Variants in ZFP90 observed in about 807,000 individuals in gnomAD.
The protein encoded by ZFP90 is ZFP90 zinc finger protein.
Under a neutral mutation model 60.8 loss-of-function variants are expected in ZFP90, and 38 were observed. That is an observed-to-expected ratio of 0.62 (90% CI 0.48 to 0.82). The LOEUF (loss-of-function observed/expected upper bound fraction) is 0.82, where lower values mean the gene tolerates loss of function less well. ZFP90 is among the 40% of genes least tolerant of loss of function. The pLI is 0.00. For synonymous variants in ZFP90, 287 were observed against 264.8 expected (o/e 1.08, Z -0.82); for missense variants, 711 against 759.1 (o/e 0.94, Z 0.74).
At chr16:68,553,371 G>A (rs1017707115) in intron 2 of ZFP90, among the ~76,000 whole-genome samples, 1 of 152,032 alleles carries the variant, frequency 6.6e-6, no homozygotes, top group South Asian at 2.1e-4. Flanking sequence ...CAAGTCAAGG[G>A]AAAAGGCGGA....
chr16:68,572,469 C>G (rs565653486), intron 2 of ZFP90, among the ~76,000 whole-genome samples: 2 of 152,168 alleles, frequency 1.3e-5, no homozygotes, highest in Non-Finnish European at 2.9e-5. Flanking sequence ...TCACATTCCT[C>G]TGCTTTCTAA....
chr16:68,573,650 A>G (rs2091578912), intron 2 of ZFP90: 1 of 152,194 alleles, frequency 6.6e-6, no homozygotes, highest in Non-Finnish European at 1.5e-5. Flanking sequence ...AGTTTACACC[A>G]CCAGTTTACA....
intron 2 of ZFP90, among the ~76,000 whole-genome samples, chr16:68,542,730 T>A (rs779061508): frequency 1.4e-4 from 22 of 152,250 alleles, no homozygotes; most frequent in Non-Finnish European, 2.9e-4. Context: ...CTGCTGGCAG[T>A]GGGTAGAGGA....
intron 2 of ZFP90, chr16:68,557,366 ACCTG>A: frequency 4.6e-6 from 2 of 437,006 alleles, no homozygotes; most frequent in Non-Finnish European, 4.7e-6. Flanking sequence ...ATCAGTGGGT[ACCTG>A]TGATACAGGT....
chr16:68,563,932 T>C lies in ZFP90; in HGVS notation c.1145T>C (p.Val382Ala), dbSNP rs201658907. ...GKAFSRCSSL[V>A]QHERTHTGEK... ...GCCTTTAGTCGATGTTCTTCCCTTG[T>C]CCAACATGAGAGGACTCATACTGGA... Residue 382 changes from valine to alanine, a missense_variant, in exon 5 of 5, where the codon GTC becomes GCC. Val to Ala is a moderately conservative substitution (Grantham distance 64, BLOSUM62 0). Coordinates refer to ENST00000563169, the MANE Select transcript of ZFP90 (RefSeq NM_001305203.2). 2.9e-5 allele frequency: 46 copies of C among 1,614,012 alleles called. No homozygotes were observed. Among genetic ancestry groups the C allele is most frequent in the Non-Finnish European group, 3.8e-5 (45 of 1,180,030 alleles).
upstream of ZFP90, among the ~76,000 whole-genome samples, chr16:68,535,239 A>T (rs1394547338): frequency 6.6e-6 from 1 of 152,162 alleles, no homozygotes; most frequent in Admixed American, 6.6e-5. Flanking sequence ...TTTTTGGACC[A>T]CCCAGGGACT....
upstream of ZFP90, among the ~76,000 whole-genome samples, chr16:68,538,400 A>G (rs1286618628): frequency 6.6e-6 from 1 of 152,192 alleles, no homozygotes; most frequent in Non-Finnish European, 1.5e-5. Context: ...TAATAGCTGT[A>G]TCTAAAAGTT....
Position 68,564,099 on chromosome 16 carries a change from A to T in ZFP90, c.1312A>T (p.Thr438Ser). Residue 438 changes from threonine to serine, a missense_variant, in exon 5 of 5, where the codon ACT (threonine) becomes TCT (serine). Around this residue, in one of 5 missense-constraint regions of ZFP90, gnomAD observed 295 missense variants for 274.0 expected, o/e 1.08. Coordinates refer to ENST00000563169, the MANE Select transcript of ZFP90 (RefSeq NM_001305203.2). Reference sequence around the variant, plus strand: ...AGATTTCAAGCACAGCACATCTCTCACTCAAGATGAAAGCACTCTTACCGA... The same window carrying T: ...AGATTTCAAGCACAGCACATCTCTCTCTCAAGATGAAAGCACTCTTACCGA... ...SIDFKHSTSL[T>S]QDESTLTEVK... 2 of 1,614,146 alleles carry T rather than the reference A, an allele frequency of 1.2e-6. No individual in the cohort carries two copies. Among genetic ancestry groups the T allele is most frequent in the South Asian group, 1.1e-5 (1 of 91,088 alleles).
chr16:68,545,126 G>A (rs1002500353), intron 2 of ZFP90, among the ~76,000 whole-genome samples: 3 of 151,638 alleles, frequency 2.0e-5, no homozygotes, highest in Admixed American at 1.3e-4. Context: ...TGATCCGCCC[G>A]CCTCGGCCGC....
chr16:68,565,241 T>G lies in ZFP90; in HGVS notation c.*543T>G, dbSNP rs1412584210. 2.0e-6 allele frequency: 2 copies of G among 985,820 alleles called. No individual in the cohort carries two copies. Among genetic ancestry groups the G allele is most frequent in the Non-Finnish European group, 2.4e-6 (2 of 830,190 alleles). 61.1% of individuals were successfully genotyped at this position (985,820 alleles called of 1,614,324 possible). On this transcript the variant is annotated 3_prime_UTR_variant, in exon 5 of 5. Coordinates refer to ENST00000563169, the MANE Select transcript of ZFP90 (RefSeq NM_001305203.2). The stretch of plus-strand genomic sequence containing the variant: ...ATGTGAAGTGGTTTCCACAGTATGA[T>G]ACAGCCTATAAGGGTAAAGCTGGGT...
chr16:68,535,693 T>C (rs904252708), upstream of ZFP90: 9 of 152,184 alleles, frequency 5.9e-5, no homozygotes, highest in African/African-American at 2.2e-4. Context: ...AAGCTCAAGT[T>C]TGCCTCATTT....
intron 2 of ZFP90, among the ~76,000 whole-genome samples, chr16:68,545,814 C>T (rs2091139375): frequency 6.6e-6 from 1 of 152,092 alleles, no homozygotes; most frequent in African/African-American, 2.4e-5. Context: ...GACTCCGTCT[C>T]AAAAAATAAC....
In ZFP90 at chr16:68,564,242, T is replaced by G; in HGVS notation, c.1455T>G (p.Ser485Arg). The part of the protein sequence containing the change: ...ENPYDCEQAF[S>R]QQAISHPGEK... ...CCTATGATTGTGAGCAGGCTTTTAGTCAGCAAGCTATTTCTCATCCTGGAG... is the reference window on the plus strand; with the variant it reads ...CCTATGATTGTGAGCAGGCTTTTAGGCAGCAAGCTATTTCTCATCCTGGAG... The change falls in exon 5 of 5, where the codon AGT becomes AGG. Residue 485 changes from serine (S) to arginine (R), a missense_variant. Physicochemically the swap from Ser to Arg is moderately radical, Grantham distance 110. This residue lies in a region of ZFP90 where 295 missense variants were observed against 274.0 expected (regional missense o/e 1.08). Transcript: ENST00000563169. The G allele has an allele frequency of 6.2e-7, 1 of 1,614,030 alleles. No homozygotes were observed. The highest frequency in any genetic ancestry group is 8.5e-7 in the Non-Finnish European group (1 of 1,179,968).
intron 1 of ZFP90, 126 bp from the exon 2 acceptor site, chr16:68,539,632 G>A (rs1274937658): frequency 2.7e-6 from 2 of 734,054 alleles, no homozygotes; most frequent in Non-Finnish European, 4.1e-6. Context: ...GCAGGCCCGG[G>A]CTGGTTCCAC....
chr16:68,574,490 GAA>G (rs3833989), intron 2 of ZFP90, among the ~76,000 whole-genome samples: 23 of 148,180 alleles, frequency 1.6e-4, no homozygotes, highest in Admixed American at 3.4e-4. Context: ...CAAACATGTT[GAA>G]AAAAAAAAAA....
In ZFP90 at chr16:68,564,375, T is replaced by C. The variant is rs555912599; in HGVS notation, c.1588T>C (p.Cys530Arg). The C allele has an allele frequency of 1.9e-6, 3 of 1,613,996 alleles. No individual in the cohort carries two copies. Among genetic ancestry groups the C allele is most frequent in the East Asian group, 4.5e-5 (2 of 44,866 alleles). The change falls in exon 5 of 5, where the codon TGT becomes CGT. Residue 530 changes from cysteine to arginine, a missense_variant. Cys to Arg is a radical substitution (Grantham distance 180). Coordinates refer to ENST00000563169, the MANE Select transcript of ZFP90 (RefSeq NM_001305203.2). ...TGEKPYECNE[C>R]GEAFSRRSSL... Reference sequence around the variant, plus strand: ...AGAGAAACCCTATGAATGTAATGAGTGTGGAGAAGCCTTTAGTCGACGCTC... The same window carrying C: ...AGAGAAACCCTATGAATGTAATGAGCGTGGAGAAGCCTTTAGTCGACGCTC...
At chr16:68,553,650 G>A (rs1162976638) in intron 2 of ZFP90, among the ~76,000 whole-genome samples, 2 of 152,146 alleles carry the variant, frequency 1.3e-5, no homozygotes, top group Non-Finnish European at 2.9e-5. Flanking sequence ...ACAGGGTCTT[G>A]CACTGTCACC....
At position 68,565,686 on chromosome 16, in the gene ZFP90, CAG is replaced by C. The variant is rs1228947150; in HGVS notation, c.*990_*991del. ...CAGTATCAGATCAATGGGAAAACAA[CAG>C]AAAACTAAGAGGAGAATTTTCCCGT... On this transcript the variant is annotated 3_prime_UTR_variant, in exon 5 of 5. Transcript: ENST00000563169. The C allele has an allele frequency of 3.0e-6, 3 of 985,016 alleles. No individual in the cohort carries two copies. The highest frequency in any genetic ancestry group is 3.6e-6 in the Non-Finnish European group (3 of 829,888). The allele number at this position is 985,016 out of a possible 1,614,324, so 61.0% of individuals were successfully genotyped here.
Position 68,564,002 on chromosome 16 carries a change from G to C in ZFP90, c.1215G>C (p.Gln405His). The change falls in exon 5 of 5, where the codon CAG becomes CAC. Residue 405 changes from glutamine (Q) to histidine (H), a missense_variant. Physicochemically the swap from Gln to His is conservative, Grantham distance 24. Coordinates refer to ENST00000563169, the MANE Select transcript of ZFP90 (RefSeq NM_001305203.2). ...GCATATGTGGGAGGGCTTTTGGTCA[G>C]AGCCCATCCCTTTATAAACATATGA... ...ECSICGRAFG[Q>H]SPSLYKHMRI... 1 of 1,613,924 alleles carries C rather than the reference G, an allele frequency of 6.2e-7. No homozygotes were observed. The highest frequency in any genetic ancestry group is 8.5e-7 in the Non-Finnish European group (1 of 1,179,964).
Sources: gnomAD v4.1 joint callset for allele counts (sites outside exome capture counted in the v4.1 genomes callset) on GRCh38, gnomAD v4.1.1 for gene constraint, gnomAD v4.1.1 regional missense constraint, MANE v1.5 for transcripts, NCBI Gene and HGNC (gene_info 2026-07-23, HGNC 2026-07-21) for gene names.